The following EPM2A variants were observed in gnomAD, a reference collection of about 807,000 sequenced individuals.
The protein encoded by EPM2A is EPM2A glucan phosphatase, laforin.
In EPM2A, 21 loss-of-function variants were observed where a neutral mutation model predicts 26.5. That is an observed-to-expected ratio of 0.79 (90% CI 0.56 to 1.14). The LOEUF is 1.14. Among genes scored for constraint, EPM2A ranks in the 50% most tolerant of loss-of-function variants. The pLI, the probability that EPM2A is intolerant of heterozygous loss-of-function variation, is 0.00. For synonymous variants in EPM2A, 217 were observed against 177.6 expected (o/e 1.22, Z -1.76); for missense variants, 458 against 440.8 (o/e 1.04, Z -0.35).
intron 1 of EPM2A, among the ~76,000 whole-genome samples, chr6:145,727,701 T>C (rs965960094): frequency 1.3e-5 from 2 of 152,210 alleles, no homozygotes; most frequent in African/African-American, 4.8e-5. Context: ...TTGTACATGA[T>C]ATTTTTGTTT....
chr6:145,446,302 T>C (rs759918923), intron 4 of EPM2A, among the ~76,000 whole-genome samples: 18 of 152,216 alleles, frequency 1.2e-4, no homozygotes, highest in Non-Finnish European at 2.5e-4. Context: ...CAAAAGTAAC[T>C]GAAACACTAT....
At chr6:145,394,122 C>T (rs1778373801) in intron 4 of EPM2A, among the ~76,000 whole-genome samples, 1 of 152,102 alleles carries the variant, frequency 6.6e-6, no homozygotes, top group African/African-American at 2.4e-5. Flanking sequence ...CATGCCCGGC[C>T]CAACTTATGA....
intron 2 of EPM2A, among the ~76,000 whole-genome samples, chr6:145,562,126 A>AG: frequency 9.2e-6 from 1 of 108,898 alleles, no homozygotes; most frequent in South Asian, 3.7e-4. Flanking sequence ...GATTACAAAA[A>AG]GGAAAAAAAA....
intron 2 of EPM2A, among the ~76,000 whole-genome samples, chr6:145,613,087 T>A (rs1466200541): frequency 1.3e-5 from 2 of 152,234 alleles, no homozygotes; most frequent in African/African-American, 2.4e-5. Flanking sequence ...GAGTTAATCC[T>A]CTCAAACCCT....
intron 2 of EPM2A, among the ~76,000 whole-genome samples, chr6:145,572,363 GGCATTTGA>G (rs1195100018): frequency 6.6e-6 from 1 of 152,142 alleles, no homozygotes; most frequent in Non-Finnish European, 1.5e-5. Flanking sequence ...GGAGACCATG[GGCATTTGA>G]GCCACTGCCT....
chr6:145,712,499 A>C (rs566699689), intron 1 of EPM2A, among the ~76,000 whole-genome samples: 4 of 152,218 alleles, frequency 2.6e-5, no homozygotes, highest in Non-Finnish European at 5.9e-5. Context: ...TATGATCCTG[A>C]AGACAAAGCA....
chr6:145,614,723 T>G (rs1400001825), intron 2 of EPM2A, among the ~76,000 whole-genome samples: 3 of 152,166 alleles, frequency 2.0e-5, no homozygotes, highest in African/African-American at 7.2e-5. Flanking sequence ...ATCAATTAAG[T>G]TTGCTGTCTT....
intron 2 of EPM2A, among the ~76,000 whole-genome samples, chr6:145,525,131 C>T (rs1316938612): frequency 6.6e-6 from 1 of 151,912 alleles, no homozygotes; most frequent in South Asian, 2.1e-4. Flanking sequence ...GATCTATGTG[C>T]CTGTTTTTGT....
At chr6:145,636,306 G>A (rs1372780706) in intron 2 of EPM2A, 2 of 152,160 alleles carry the variant, frequency 1.3e-5, no homozygotes, top group Non-Finnish European at 2.9e-5. Context: ...TTCTAGACAA[G>A]CCTGGCCAAT....
rs920572350 is a variant in EPM2A at position 145,488,520 on chromosome 6, T to A, written c.555+14002A>T. Among the ~76,000 whole-genome samples, 1,196 of 136,436 alleles carry A rather than the reference T, an allele frequency of 8.8e-3. 15 individuals are homozygous for A. The highest frequency in any genetic ancestry group is 0.033 in the African/African-American group (1,070 of 32,572). The allele number at this position is 136,436 out of a possible 152,430, so 89.5% of individuals were successfully genotyped here. ...TTGTGTGTGTGTGTGTGTGTGTGTGTGTGAGAGAGAGAGAGAGAGAGAGAG... is the reference window on the plus strand; with the variant it reads ...TTGTGTGTGTGTGTGTGTGTGTGTGAGTGAGAGAGAGAGAGAGAGAGAGAG... On this transcript the variant is annotated intron_variant, in intron 4 of 4. Coordinates refer to the EPM2A transcript ENST00000638717.
intron 1 of EPM2A, among the ~76,000 whole-genome samples, chr6:145,705,093 G>A (rs1168677080): frequency 6.6e-6 from 1 of 152,142 alleles, no homozygotes; most frequent in Non-Finnish European, 1.5e-5. Flanking sequence ...TACATGACAG[G>A]CATTGTTTTT....
At chr6:145,635,756 C>T (rs1776622396) in intron 2 of EPM2A, 2 of 418,446 alleles carry the variant, frequency 4.8e-6, no homozygotes. Context: ...AATAAGTCTA[C>T]CAAGTTGTAC....
At chr6:145,425,247 C>T (rs982132809) in intron 4 of EPM2A, among the ~76,000 whole-genome samples, 2 of 151,946 alleles carry the variant, frequency 1.3e-5, no homozygotes, top group Non-Finnish European at 2.9e-5. Context: ...GATCTCGGCT[C>T]ACTGCAACCT....
chr6:145,438,123 G>C (rs991589548), intron 4 of EPM2A, among the ~76,000 whole-genome samples: 2 of 152,166 alleles, frequency 1.3e-5, no homozygotes, highest in African/African-American at 4.8e-5. Context: ...GGACAGGCAA[G>C]GTGCTCTGGC....
chr6:145,677,642 A>T (rs1300262792), intron 2 of EPM2A, among the ~76,000 whole-genome samples: 3 of 152,214 alleles, frequency 2.0e-5, no homozygotes, highest in Admixed American at 6.5e-5. Flanking sequence ...CGAATAATAG[A>T]CAAACAGCCA....
chr6:145,489,174 C>T (rs1779723552), intron 4 of EPM2A, among the ~76,000 whole-genome samples: 1 of 152,134 alleles, frequency 6.6e-6, no homozygotes, highest in Non-Finnish European at 1.5e-5. Flanking sequence ...TTTAACTGCA[C>T]AGTAACAATG....
intron 4 of EPM2A, among the ~76,000 whole-genome samples, chr6:145,467,659 G>A (rs1779416830): frequency 6.6e-6 from 1 of 152,092 alleles, no homozygotes; most frequent in South Asian, 2.1e-4. Flanking sequence ...ATATGGGATT[G>A]CATTAAATTT....
At chr6:145,693,082 A>G (rs1335335834) in intron 1 of EPM2A, among the ~76,000 whole-genome samples, 1 of 151,066 alleles carries the variant, frequency 6.6e-6, no homozygotes, top group Middle Eastern at 3.2e-3. Context: ...GTCATCCCTG[A>G]CTCCTTTGAT....
intron 4 of EPM2A, among the ~76,000 whole-genome samples, chr6:145,464,056 C>G (rs1341092780): frequency 6.6e-6 from 1 of 151,956 alleles, no homozygotes; most frequent in Non-Finnish European, 1.5e-5. Flanking sequence ...CTTTCTTTCT[C>G]TCTCTCACCT....
Sources: allele counts gnomAD v4.1 joint callset (sites outside exome capture counted in the v4.1 genomes callset), GRCh38; gene constraint gnomAD v4.1.1; transcripts MANE v1.5; gene names NCBI Gene and HGNC (gene_info 2026-07-23, HGNC 2026-07-21).